The following NEGR1 variants were observed in gnomAD, a reference collection of about 807,000 sequenced individuals.
NEGR1 encodes the protein neuronal growth regulator 1.
NEGR1 carries 10 observed loss-of-function variants against 40.9 expected under a neutral mutation model. The observed-to-expected ratio is 0.24, with a 90% CI of 0.15 to 0.42. The LOEUF is 0.42. Ranked by LOEUF, NEGR1 falls within the 10% of genes least tolerant of loss-of-function variation. The pLI is 1.00. For missense variants in NEGR1, 352 were observed against 438.9 expected (o/e 0.80, Z 1.77); for synonymous variants, 185 against 166.8 (o/e 1.11, Z -0.84).
chr1:71,591,137 A>T (rs1649484093), intron 6 of NEGR1, among the ~76,000 whole-genome samples: 1 of 152,194 alleles, frequency 6.6e-6, no homozygotes, highest in Non-Finnish European at 1.5e-5. Context: ...TATGTTCATA[A>T]TTACAGACAA....
At chr1:71,897,151 AT>A (rs1472987506) in intron 2 of NEGR1, among the ~76,000 whole-genome samples, 4 of 151,688 alleles carry the variant, frequency 2.6e-5, no homozygotes, top group African/African-American at 9.7e-5. Context: ...AGACATATAT[AT>A]GTTATAGAAT....
At chr1:71,911,947 A>G (rs1437610125) in intron 2 of NEGR1, among the ~76,000 whole-genome samples, 2 of 152,134 alleles carry the variant, frequency 1.3e-5, no homozygotes, top group Non-Finnish European at 2.9e-5. Context: ...AATGTTTATA[A>G]TTTGTTGCTT....
intron 2 of NEGR1, among the ~76,000 whole-genome samples, chr1:71,795,926 G>C (rs1156823045): frequency 6.6e-6 from 1 of 152,058 alleles, no homozygotes; most frequent in East Asian, 1.9e-4. Context: ...TTTAGACCAG[G>C]CTGAACTTTG....
intron 1 of NEGR1, among the ~76,000 whole-genome samples, chr1:72,160,671 T>A (rs923849780): frequency 2.0e-5 from 3 of 152,128 alleles, no homozygotes; most frequent in Admixed American, 6.6e-5. Flanking sequence ...GGGGATTATA[T>A]TTGCATCGTT....
chr1:71,719,406 C>A (rs1434002612), intron 3 of NEGR1, among the ~76,000 whole-genome samples: 1 of 151,762 alleles, frequency 6.6e-6, no homozygotes, highest in Non-Finnish European at 1.5e-5. Context: ...CTGGCCTGTC[C>A]AGAATGTAAT....
intron 1 of NEGR1, among the ~76,000 whole-genome samples, chr1:72,121,853 G>T (rs940479894): frequency 6.6e-6 from 1 of 151,730 alleles, no homozygotes; most frequent in Non-Finnish European, 1.5e-5. Context: ...CTCCATTACT[G>T]ATCATCTTTT....
chr1:71,846,211 C>G (rs1397806349), intron 2 of NEGR1, among the ~76,000 whole-genome samples: 6 of 152,058 alleles, frequency 3.9e-5, no homozygotes, highest in East Asian at 1.9e-4. Context: ...AGTTTCCCCC[C>G]CAACCTAATA....
chr1:71,557,325 G>A lies in NEGR1; in HGVS notation c.940+35492C>T, dbSNP rs75134314. 8.7e-3 allele frequency among the ~76,000 whole-genome samples: 1,316 copies of A among 151,704 alleles called. 29 individuals are homozygous for A. The highest frequency in any genetic ancestry group is 0.06 in the South Asian group (289 of 4,822). On this transcript the variant is annotated intron_variant, in intron 6 of 6. Coordinates refer to ENST00000357731, the MANE Select transcript of NEGR1 (RefSeq NM_173808.3). ...GCTTGGAACTGGTAATACTTAAAGA[G>A]TATGGCGAAGTCTGGGAAATTAGGC...
chr1:71,794,209 T>G (rs1405203686), intron 2 of NEGR1: 6 of 152,192 alleles, frequency 3.9e-5, no homozygotes, highest in Admixed American at 3.3e-4. Context: ...TCTTCCCCCC[T>G]TAAATCTATA....
At position 71,599,491 on chromosome 1, in the gene NEGR1, G is replaced by C. The variant is rs1448840584; in HGVS notation, c.789-6523C>G. Among the ~76,000 whole-genome samples, 3 of 152,244 alleles carry C rather than the reference G, an allele frequency of 2.0e-5. No individual in the cohort carries two copies. The East Asian group carries it at 5.8e-4, about 29-fold the overall frequency. ...GAACTGCTAGATACCAGAGAGAAAC[G>C]AAAATTTATGTGAATATGCTGCTAT... is the stretch of plus-strand genomic sequence containing the variant. On this transcript the variant is annotated intron_variant, in intron 5 of 6. Transcript: ENST00000357731.
At position 71,935,124 on chromosome 1, in the gene NEGR1, T is replaced by A; in HGVS notation, c.364A>T (p.Thr122Ser). 1 of 1,613,690 alleles carries A rather than the reference T, an allele frequency of 6.2e-7. No individual in the cohort carries two copies. Among genetic ancestry groups the A allele is most frequent in the East Asian group, 2.2e-5 (1 of 44,874 alleles). Residue 122 changes from threonine (T) to serine (S), a missense_variant, in exon 2 of 7, where the codon ACT becomes TCT. Thr to Ser is a moderately conservative substitution (Grantham distance 58). Transcript: ENST00000357731. ...TGCATTGTTCTGGGTGTATGTTGAG[T>A]CTGAACAGAACACGTGTATGGGCCA... is the stretch of plus-strand genomic sequence containing the variant. ...DDGPYTCSVQTQHTPRTMQVH... is the reference protein window; with the variant it reads ...DDGPYTCSVQSQHTPRTMQVH...
At chr1:71,461,713 G>C (rs1344003318) in intron 6 of NEGR1, 1 of 152,178 alleles carries the variant, frequency 6.6e-6, no homozygotes, top group Admixed American at 6.6e-5. Context: ...TACATTTATG[G>C]CTGATGAGAA....
Position 71,744,342 on chromosome 1 carries a change from A to AAATAATAATAAT in NEGR1, c.535+31818_535+31829dup, listed in dbSNP as rs3077144. ...ATGGAGCACATAGCAAGTACTCTGT[A>AAATAATAATAAT]AATAATAATAATAATAATAATAATA... is the stretch of plus-strand genomic sequence containing the variant. On this transcript the variant is annotated intron_variant, in intron 3 of 6. Coordinates refer to ENST00000357731, the MANE Select transcript of NEGR1 (RefSeq NM_173808.3). Among the ~76,000 whole-genome samples the AAATAATAATAAT allele has an allele frequency of 4.2e-3, 599 of 141,166 alleles. 4 individuals carry two copies. The highest frequency in any genetic ancestry group is 0.028 in the East Asian group (136 of 4,776). The allele number at this position is 141,166 out of a possible 152,430, so 92.6% of individuals were successfully genotyped here. A position where few individuals can be genotyped will look rare whatever the true frequency, so the allele number is the denominator to read the frequency against.
chr1:71,798,797 C>T (rs1018185689), intron 2 of NEGR1, among the ~76,000 whole-genome samples: 1 of 152,140 alleles, frequency 6.6e-6, no homozygotes, highest in Non-Finnish European at 1.5e-5. Flanking sequence ...GAAACCTTAG[C>T]TCCTCACAGA....
At chr1:71,991,990 T>C (rs1035363796) in intron 1 of NEGR1, among the ~76,000 whole-genome samples, 7 of 152,062 alleles carry the variant, frequency 4.6e-5, no homozygotes, top group Admixed American at 4.6e-4. Context: ...GAGACGGGTT[T>C]CACTGTGTTG....
chr1:71,512,876 G>A (rs1569970166), intron 6 of NEGR1, among the ~76,000 whole-genome samples: 1 of 152,024 alleles, frequency 6.6e-6, no homozygotes, highest in East Asian at 1.9e-4. Flanking sequence ...CACCACGCCT[G>A]GCCATACTAT....
At chr1:71,813,759 C>T (rs1658092835) in intron 2 of NEGR1, among the ~76,000 whole-genome samples, 1 of 152,024 alleles carries the variant, frequency 6.6e-6, no homozygotes, top group African/African-American at 2.4e-5. Context: ...TATAGGGATG[C>T]TTGTGATTTT....
At chr1:71,739,992 TC>T (rs939196508) in intron 3 of NEGR1, among the ~76,000 whole-genome samples, 17 of 152,170 alleles carry the variant, frequency 1.1e-4, no homozygotes, top group African/African-American at 3.4e-4. Context: ...ATTCTTCTCT[TC>T]CACAGTCTCT....
At chr1:71,575,747 C>CA (rs1262954274) in intron 6 of NEGR1, among the ~76,000 whole-genome samples, 1 of 152,154 alleles carries the variant, frequency 6.6e-6, no homozygotes, top group Non-Finnish European at 1.5e-5. Context: ...CTCGCCACTG[C>CA]ACTCCAGCCT....
Sources: allele counts gnomAD v4.1 joint callset (sites outside exome capture counted in the v4.1 genomes callset), GRCh38; gene constraint gnomAD v4.1.1; transcripts MANE v1.5; gene names NCBI Gene and HGNC (gene_info 2026-07-23, HGNC 2026-07-21).